Variants in CLIC2 observed in about 807,000 individuals in gnomAD.
The protein encoded by CLIC2 is chloride intracellular channel protein 2.
A neutral mutation model predicts 14.8 loss-of-function variants in CLIC2; 9 were observed. The ratio of observed to expected loss-of-function variants is 0.61; its 90% CI spans 0.37 to 1.06. CLIC2 has a LOEUF of 1.06. CLIC2 is among the 50% of genes least tolerant of loss of function. The pLI is 0.01. For missense variants in CLIC2, 148 were observed against 181.4 expected, an observed-to-expected ratio of 0.82 and a Z score of 1.06; for synonymous variants, 61 against 66.3, an observed-to-expected ratio of 0.92 and a Z score of 0.39.
In CLIC2 at chrX:155,299,103, G is replaced by A; in HGVS notation, c.100C>T (p.Gln34Ter). 8.3e-7 allele frequency: 1 copy of A among 1,209,494 alleles called. No individual in the cohort carries two copies. The highest frequency in any genetic ancestry group is 1.1e-6 in the Non-Finnish European group (1 of 893,722). ...AGCCAGAGGATCATGAAAAGGCGTT[G>A]GCAAAAGGGACAGTTTCCAATACTC... ...GESIGNCPFC[Q>*]RLFMILWLKG... is the part of the protein sequence containing the mutation. Residue 34 changes from glutamine to a stop codon, truncating the protein, a stop_gained, in exon 2 of 6, where the codon CAA becomes TAA. Transcript: ENST00000369449. LOFTEE classifies it high-confidence loss of function.
chrX:155,306,115 G>T (rs921924998), intron 1 of CLIC2, among the ~76,000 whole-genome samples: 10 of 111,641 alleles, frequency 9.0e-5, no homozygotes, highest in African/African-American at 3.3e-4. Flanking sequence ...ATATGGTTTG[G>T]ATATTTGTCC....
chrX:155,334,541 A>C lies in CLIC2; in HGVS notation c.-114T>G. 1 of 655,827 alleles carries C rather than the reference A, an allele frequency of 1.5e-6. No homozygotes were observed. Among genetic ancestry groups the C allele is most frequent in the Non-Finnish European group, 2.5e-6 (1 of 395,759 alleles). The allele number at this position is 655,827 out of a possible 1,213,427, so 54.0% of individuals were successfully genotyped here. ...CAAGTAATGTTGGTGCTTTAAGAAG[A>C]CCGTCTAGCTTGTAGTGGACTGAGT... On this transcript the variant is annotated 5_prime_UTR_variant, in exon 1 of 6. Transcript: ENST00000369449.
At chrX:155,317,164 C>G (rs930780283) in intron 1 of CLIC2, among the ~76,000 whole-genome samples, 4 of 111,408 alleles carry the variant, frequency 3.6e-5, no homozygotes, top group African/African-American at 3.3e-5. Context: ...ACTGAAGAAA[C>G]AAAAGCAATC....
chrX:155,293,762 T>C (rs2074983234), intron 3 of CLIC2, among the ~76,000 whole-genome samples: 1 of 111,543 alleles, frequency 9.0e-6, no homozygotes, highest in African/African-American at 3.3e-5. Flanking sequence ...GGATTAGCTA[T>C]AATCATATAA....
At chrX:155,314,041 C>T (rs1557320874) in intron 1 of CLIC2, among the ~76,000 whole-genome samples, 2 of 111,273 alleles carry the variant, frequency 1.8e-5, no homozygotes, top group Non-Finnish European at 3.8e-5. Context: ...AAGCTACACT[C>T]AAGGAGAGTC....
chrX:155,279,755 A>G (rs782818779), intron 4 of CLIC2, among the ~76,000 whole-genome samples: 4 of 111,781 alleles, frequency 3.6e-5, no homozygotes, highest in Admixed American at 2.9e-4. Context: ...ATTCTAATTG[A>G]GCTATGGTTG....
At position 155,277,746 on chromosome X, in the gene CLIC2, ATTAT is replaced by A. The variant is rs200355960; in HGVS notation, c.*153_*156del. 3.8e-3 allele frequency: 1,830 copies of A among 482,683 alleles called. 26 individuals carry two copies. The African/African-American group carries it at 0.04, about 10-fold the overall frequency. 39.8% of individuals were successfully genotyped at this position (482,683 alleles called of 1,213,427 possible). On this transcript the variant is annotated 3_prime_UTR_variant, in exon 6 of 6. Transcript: ENST00000369449. ...AAGACCTGTAAAATACAGTGGACAGATTATTTATGGCTAATAGAAAATACAGAGT... is the reference window on the plus strand; with the variant it reads ...AAGACCTGTAAAATACAGTGGACAGATTATGGCTAATAGAAAATACAGAGT...
chrX:155,329,429 T>TGGTGCAAAAGTAAATGC (rs2075149132), intron 1 of CLIC2, among the ~76,000 whole-genome samples: 1 of 105,653 alleles, frequency 9.5e-6, no homozygotes, highest in East Asian at 3.0e-4. Context: ...GTTATTAGGT[T>TGGTGCAAAAGTAAATGC]GGTGCAAAAG....
At chrX:155,292,514 T>G (rs1453438123) in intron 3 of CLIC2, 1 of 565,704 alleles carries the variant, frequency 1.8e-6, no homozygotes, top group East Asian at 3.5e-5. Context: ...AAGCTGCCTG[T>G]AATCCCAGCA....
chrX:155,323,093 C>T (rs377703306), intron 1 of CLIC2, among the ~76,000 whole-genome samples: 1 of 112,006 alleles, frequency 8.9e-6, no homozygotes, highest in East Asian at 2.8e-4. Context: ...CCAAATTCTA[C>T]CAGAGGTACA....
chrX:155,302,190 C>T (rs1405254129), intron 1 of CLIC2, among the ~76,000 whole-genome samples: 1 of 107,612 alleles, frequency 9.3e-6, no homozygotes, highest in African/African-American at 3.4e-5. Flanking sequence ...TAGAATTCGG[C>T]TGTGAATCCA....
chrX:155,316,297 C>T (rs186419457), intron 1 of CLIC2, among the ~76,000 whole-genome samples: 34 of 112,129 alleles, frequency 3.0e-4, no homozygotes, highest in African/African-American at 9.7e-4. Context: ...TTCTTCCCAA[C>T]AACTGCAGAA....
intron 1 of CLIC2, among the ~76,000 whole-genome samples, chrX:155,331,381 G>A (rs782438484): frequency 9.0e-6 from 1 of 111,372 alleles, no homozygotes; most frequent in East Asian, 2.8e-4. Context: ...AAATTCGCTA[G>A]CCTGATTGAT....
At chrX:155,303,067 G>A (rs2075027321) in intron 1 of CLIC2, among the ~76,000 whole-genome samples, 1 of 93,200 alleles carries the variant, frequency 1.1e-5, no homozygotes, top group Non-Finnish European at 2.2e-5. Context: ...TTGATTTGGG[G>A]TGGAGAGTTC....
At chrX:155,313,186 T>C (rs1354824971) in intron 1 of CLIC2, among the ~76,000 whole-genome samples, 2 of 69,532 alleles carry the variant, frequency 2.9e-5, no homozygotes, top group African/African-American at 6.3e-5. Flanking sequence ...CACCTCTCTA[T>C]ATAAATAAGG....
intron 1 of CLIC2, among the ~76,000 whole-genome samples, chrX:155,333,450 T>C (rs1557323027): frequency 9.0e-6 from 1 of 110,699 alleles, no homozygotes; most frequent in Non-Finnish European, 1.9e-5. Flanking sequence ...CCTAAGTTGT[T>C]AGGACTAAAT....
intron 1 of CLIC2, among the ~76,000 whole-genome samples, chrX:155,314,992 G>A (rs1159737231): frequency 1.8e-5 from 2 of 111,326 alleles, no homozygotes; most frequent in African/African-American, 6.5e-5. Flanking sequence ...AAACAAGCAG[G>A]AGAAAGAACT....
At chrX:155,297,022 T>C (rs2074994460) in intron 3 of CLIC2, among the ~76,000 whole-genome samples, 1 of 112,207 alleles carries the variant, frequency 8.9e-6, no homozygotes, top group South Asian at 3.6e-4. Flanking sequence ...ATGTTTATTA[T>C]TGCATTATTC....
chrX:155,298,954 T>C (rs1166957130), intron 2 of CLIC2, 44 bp from the exon 3 acceptor site: 1 of 1,183,927 alleles, frequency 8.4e-7, no homozygotes, highest in Non-Finnish European at 1.1e-6. Flanking sequence ...CTAGATAAAG[T>C]ACACATTAAA....
Sources: allele counts gnomAD v4.1 joint callset (sites outside exome capture counted in the v4.1 genomes callset), GRCh38; gene constraint gnomAD v4.1.1; transcripts MANE v1.5; gene names NCBI Gene and HGNC (gene_info 2026-07-23, HGNC 2026-07-21).